Variants in DSE observed in about 807,000 individuals in gnomAD.
DSE encodes dermatan sulfate epimerase, also known as dermatan-sulfate epimerase.
DSE carries 36 observed loss-of-function variants against 84.4 expected under a neutral mutation model. That is an observed-to-expected ratio of 0.43 (90% CI 0.33 to 0.56). The LOEUF (loss-of-function observed/expected upper bound fraction) is 0.56. Ranked by LOEUF, DSE falls within the 20% of genes least tolerant of loss-of-function variation. DSE has a pLI of 0.06. For missense variants in DSE, 862 were observed against 1,169.6 expected, an observed-to-expected ratio of 0.74 and a Z score of 3.84; for synonymous variants, 410 against 430.1, an observed-to-expected ratio of 0.95 and a Z score of 0.58.
intron 2 of DSE, among the ~76,000 whole-genome samples, chr6:116,316,807 T>TCTG (rs1554211528): frequency 7.2e-6 from 1 of 138,052 alleles, no homozygotes; most frequent in African/African-American, 3.0e-5. Flanking sequence ...TATTTCTTCT[T>TCTG]CTACTACTAC....
At chr6:116,355,245 C>G (rs1286578723) in intron 2 of DSE, among the ~76,000 whole-genome samples, 1 of 152,140 alleles carries the variant, frequency 6.6e-6, no homozygotes, top group East Asian at 1.9e-4. Flanking sequence ...CCTCCGAATC[C>G]TCTCTCAAAG....
At chr6:116,346,287 G>C (rs950463632) in intron 2 of DSE, among the ~76,000 whole-genome samples, 1 of 152,180 alleles carries the variant, frequency 6.6e-6, no homozygotes, top group African/African-American at 2.4e-5. Context: ...GCATCATCCT[G>C]ATACCAAAGC....
intron 1 of DSE, chr6:116,254,400 T>G: frequency 2.2e-6 from 1 of 460,558 alleles, no homozygotes; most frequent in Non-Finnish European, 4.3e-6. Flanking sequence ...TACTGTCTAT[T>G]CAAGTCAGTT....
intron 2 of DSE, among the ~76,000 whole-genome samples, chr6:116,422,279 G>A (rs920101942): frequency 6.6e-6 from 1 of 152,180 alleles, no homozygotes; most frequent in African/African-American, 2.4e-5. Context: ...AAGCTCTTAA[G>A]CTCTTGGTAG....
intron 1 of DSE, 131 bp from the exon 2 acceptor site, chr6:116,399,067 T>G: frequency 1.4e-6 from 1 of 733,012 alleles, no homozygotes. Context: ...TTAAATTTTT[T>G]TGTTGTATTT....
At chr6:116,350,039 ATACCTAAATG>A (rs1213524982) in intron 2 of DSE, among the ~76,000 whole-genome samples, 1 of 152,248 alleles carries the variant, frequency 6.6e-6, no homozygotes, top group Non-Finnish European at 1.5e-5. Context: ...TTTTAAAAAA[ATACCTAAATG>A]TACTACTCCC....
intron 1 of DSE, among the ~76,000 whole-genome samples, chr6:116,396,363 G>A (rs757106649): frequency 6.6e-5 from 10 of 152,284 alleles, no homozygotes; most frequent in Admixed American, 2.0e-4. Context: ...GAGCACTGGG[G>A]GCTGAGCACA....
intron 1 of DSE, among the ~76,000 whole-genome samples, chr6:116,380,261 G>A (rs770792332): frequency 2.6e-5 from 4 of 152,038 alleles, no homozygotes; most frequent in Non-Finnish European, 4.4e-5. Flanking sequence ...TTGAGGGGAT[G>A]TCTAGGTGGA....
Position 116,437,431 on chromosome 6 carries a change from T to C in DSE, c.*86T>C, listed in dbSNP as rs182612936. 30 of 1,260,736 alleles carry C rather than the reference T, an allele frequency of 2.4e-5. No individual in the cohort carries two copies. In the Admixed American group the frequency reaches 3.9e-4, roughly 16 times the overall value. 78.1% of individuals were successfully genotyped at this position (1,260,736 alleles called of 1,614,324 possible). ...ATTTCTTTACCCCAGATTATCAGAT[T>C]TTTTTCCCTCAGATTCATTTTAACA... On this transcript the variant is annotated 3_prime_UTR_variant, in exon 6 of 6. Coordinates refer to ENST00000644252, the MANE Select transcript of DSE (RefSeq NM_013352.4).
chr6:116,371,297 CGA>C (rs1050518464), intron 1 of DSE, among the ~76,000 whole-genome samples, 176 bp downstream of exon 1: 12 of 152,204 alleles, frequency 7.9e-5, no homozygotes, highest in African/African-American at 2.9e-4. Context: ...GGCTGGACTC[CGA>C]GAGAGCGCCT....
At chr6:116,346,981 CA>C (rs1778017276) in intron 2 of DSE, among the ~76,000 whole-genome samples, 1 of 152,060 alleles carries the variant, frequency 6.6e-6, no homozygotes, top group South Asian at 2.1e-4. Context: ...CAATAACAGA[CA>C]AACAGAGAGC....
chr6:116,278,707 C>A (rs1366072220), intron 2 of DSE: 1 of 1,614,160 alleles, frequency 6.2e-7, no homozygotes, highest in Non-Finnish European at 8.5e-7. Context: ...GAAGAAGCTG[C>A]AGATGAGGTC....
chr6:116,279,484 G>A lies in DSE; in HGVS notation c.-54+20517G>A, dbSNP rs755080648. 21 of 1,611,796 alleles carry A rather than the reference G, an allele frequency of 1.3e-5. No individual in the cohort carries two copies. Among genetic ancestry groups the A allele is most frequent in the Admixed American group, 1.7e-5 (1 of 60,006 alleles). On this transcript the variant is annotated intron_variant, in intron 2 of 3. Coordinates refer to the DSE transcript ENST00000430252. Reference sequence around the variant, plus strand: ...GCCCTTTTTCAGGCTGCGGTCGGCTGCCATCACCACAGAAGCGGCTGCCAG... The same window carrying A: ...GCCCTTTTTCAGGCTGCGGTCGGCTACCATCACCACAGAAGCGGCTGCCAG...
Position 116,267,912 on chromosome 6 carries a change from G to A in DSE, c.-54+8945G>A, listed in dbSNP as rs1323635524. 2.0e-5 allele frequency among the ~76,000 whole-genome samples: 3 copies of A among 152,124 alleles called. No homozygotes were observed. In the East Asian group the frequency reaches 5.8e-4, roughly 29 times the overall value. On this transcript the variant is annotated intron_variant, in intron 2 of 3. Transcript: ENST00000430252. ...ACTTTTAAACCCCCAGATCTCATGA[G>A]AGCTCACTATAAAAAGAACAGTAAG...
intron 3 of DSE, among the ~76,000 whole-genome samples, chr6:116,429,967 A>G (rs865831183): frequency 7.1e-5 from 1 of 14,054 alleles, no homozygotes; most frequent in South Asian, 8.3e-4. Context: ...AAAAAAAAAA[A>G]AAAGAAATAT....
At chr6:116,296,915 G>GA (rs1256931648) in intron 2 of DSE, among the ~76,000 whole-genome samples, 1 of 152,078 alleles carries the variant, frequency 6.6e-6, no homozygotes, top group African/African-American at 2.4e-5. Flanking sequence ...TCATGCTTTG[G>GA]AAAAATCATT....
At chr6:116,331,255 C>G (rs1254217635) in intron 2 of DSE, among the ~76,000 whole-genome samples, 1 of 151,908 alleles carries the variant, frequency 6.6e-6, no homozygotes, top group Non-Finnish European at 1.5e-5. Context: ...GATGAAATAC[C>G]CAAGACTGGG....
chr6:116,304,679 A>T (rs942084146), intron 2 of DSE, among the ~76,000 whole-genome samples: 1 of 152,122 alleles, frequency 6.6e-6, no homozygotes, highest in South Asian at 2.1e-4. Context: ...TGCCCTGTTA[A>T]TTCTTGTTTG....
chr6:116,352,806 G>A (rs926640075), intron 2 of DSE, among the ~76,000 whole-genome samples: 11 of 152,132 alleles, frequency 7.2e-5, no homozygotes, highest in South Asian at 2.1e-4. Context: ...AGCTCTGGGT[G>A]GGCAAAAAAT....
Sources: allele counts gnomAD v4.1 joint callset (sites outside exome capture counted in the v4.1 genomes callset), GRCh38; gene constraint gnomAD v4.1.1; transcripts MANE v1.5; gene names NCBI Gene and HGNC (gene_info 2026-07-23, HGNC 2026-07-21).